The following LIMCH1 variants were observed in gnomAD, a reference collection of about 807,000 sequenced individuals.
LIMCH1 encodes LIM and calponin homology domains 1, also known as LIM and calponin homology domains-containing protein 1.
Under a neutral mutation model 176.5 loss-of-function variants are expected in LIMCH1, and 113 were observed. That is an observed-to-expected ratio of 0.64 (90% CI 0.55 to 0.75). The LOEUF (loss-of-function observed/expected upper bound fraction) is 0.75, where lower values mean the gene tolerates loss of function less well. Ranked by LOEUF, LIMCH1 falls within the 30% of genes least tolerant of loss-of-function variation. LIMCH1 has a pLI of 0.00. For missense variants in LIMCH1, 1,674 were observed against 1,814.9 expected (o/e 0.92, Z 1.41); for synonymous variants, 619 against 645.9 (o/e 0.96, Z 0.63).
intron 1 of LIMCH1, among the ~76,000 whole-genome samples, chr4:41,372,689 G>T (rs1336691454): frequency 1.3e-5 from 2 of 152,188 alleles, no homozygotes; most frequent in Non-Finnish European, 2.9e-5. Flanking sequence ...GCCTTTGGAG[G>T]AGGTAGTTGA....
Position 41,697,716 on chromosome 4 carries a change from A to G in LIMCH1, c.*531A>G, listed in dbSNP as rs1052222111. 9.1e-5 allele frequency: 14 copies of G among 153,012 alleles called. No individual in the cohort carries two copies. The highest frequency in any genetic ancestry group is 3.1e-4 in the African/African-American group (13 of 41,460). 9.5% of individuals were successfully genotyped at this position (153,012 alleles called of 1,614,324 possible). A position where few individuals can be genotyped will look rare whatever the true frequency, so the allele number is the denominator to read the frequency against. ...GCTATAATTTGTTTTTAATGCAAAG[A>G]CACTAGTTTGATAATATATACTGTA... On this transcript the variant is annotated 3_prime_UTR_variant, in exon 32 of 32. Transcript: ENST00000503057.
At chr4:41,419,652 CCTT>C (rs2060371157) in intron 1 of LIMCH1, among the ~76,000 whole-genome samples, 3 of 47,040 alleles carry the variant, frequency 6.4e-5, no homozygotes, top group Non-Finnish European at 1.0e-4. Context: ...CTTTCTTCCT[CCTT>C]CCTTCCTTCC....
chr4:41,516,239 T>C (rs1048552434), intron 2 of LIMCH1, among the ~76,000 whole-genome samples: 1 of 152,148 alleles, frequency 6.6e-6, no homozygotes, highest in Admixed American at 6.5e-5. Flanking sequence ...CTGTGGCACT[T>C]GGGAGCCTGG....
At chr4:41,419,604 G>T (rs13122494) in intron 1 of LIMCH1, among the ~76,000 whole-genome samples, 6,813 of 45,726 alleles carry the variant, frequency 0.15, 433 homozygotes, top group African/African-American at 0.19. Context: ...CCTTCCTTCC[G>T]TCCTTCCTTC....
chr4:41,450,526 G>T lies in LIMCH1; in HGVS notation c.97-44010G>T, dbSNP rs538616363. Among the ~76,000 whole-genome samples the T allele has an allele frequency of 3.9e-5, 6 of 151,960 alleles. No individual in the cohort carries two copies. The East Asian group carries it at 1.2e-3, about 30-fold the overall frequency. On this transcript the variant is annotated intron_variant, in intron 1 of 26. Transcript: ENST00000313860. ...AAAAGTTGTAGGGGATGATGGCCAG[G>T]TGTGGTGGCTCACACCTGTAATCCC... is the stretch of plus-strand genomic sequence containing the variant.
chr4:41,440,752 C>CG (rs2062617068), intron 1 of LIMCH1, among the ~76,000 whole-genome samples: 1 of 152,032 alleles, frequency 6.6e-6, no homozygotes, highest in Non-Finnish European at 1.5e-5. Context: ...AACCTGGTCT[C>CG]GAACTCCTGA....
At chr4:41,682,559 G>A (rs1585869382) in intron 26 of LIMCH1, 99 bp downstream of exon 26, 1 of 1,160,048 alleles carries the variant, frequency 8.6e-7, no homozygotes, top group East Asian at 2.6e-5. Context: ...ATTACATTCA[G>A]CTTCGAAATG....
At chr4:41,499,086 T>G (rs1446422658) in intron 2 of LIMCH1, among the ~76,000 whole-genome samples, 2 of 152,208 alleles carry the variant, frequency 1.3e-5, no homozygotes, top group African/African-American at 4.8e-5. Flanking sequence ...AGTTAAGAAA[T>G]TGAGTTTGGG....
intron 3 of LIMCH1, among the ~76,000 whole-genome samples, chr4:41,532,789 GTTTTC>G (rs1419264700): frequency 6.6e-6 from 1 of 152,150 alleles, no homozygotes; most frequent in South Asian, 2.1e-4. Flanking sequence ...GTCCTTTCTG[GTTTTC>G]TTTTATTTGG....
intron 1 of LIMCH1, among the ~76,000 whole-genome samples, chr4:41,452,936 C>T (rs73810242): frequency 2.0e-4 from 31 of 152,278 alleles, no homozygotes; most frequent in African/African-American, 6.5e-4. Flanking sequence ...CCCACGGTAC[C>T]GGTGCCATGT....
chr4:41,692,426 C>T, intron 31 of LIMCH1, 42 bp downstream of exon 31: 2 of 1,252,374 alleles, frequency 1.6e-6, no homozygotes, highest in Non-Finnish European at 2.3e-6. Flanking sequence ...CGAGTGTAAT[C>T]GTATGTCTTC....
intron 14 of LIMCH1, among the ~76,000 whole-genome samples, chr4:41,643,253 A>G (rs534694988): frequency 6.6e-6 from 1 of 152,132 alleles, no homozygotes; most frequent in East Asian, 1.9e-4. Flanking sequence ...TTGTCTGGCC[A>G]TGGGAGTAAC....
intron 1 of LIMCH1, among the ~76,000 whole-genome samples, chr4:41,556,395 CAAAAAAA>C (rs71198668): frequency 2.4e-5 from 2 of 83,918 alleles, no homozygotes; most frequent in South Asian, 3.9e-4. Context: ...AACTCTATCT[CAAAAAAA>C]AAAAAAAAAA....
At position 41,603,099 on chromosome 4, in the gene LIMCH1, T is replaced by C. The variant is rs575208077; in HGVS notation, c.-133-776T>C. Among the ~76,000 whole-genome samples, 245 of 152,276 alleles carry C rather than the reference T, an allele frequency of 1.6e-3. 1 individual carries two copies. The highest frequency in any genetic ancestry group is 5.4e-3 in the African/African-American group (225 of 41,552). On this transcript the variant is annotated intron_variant, in intron 2 of 31. Coordinates refer to ENST00000503057, the MANE Select transcript of LIMCH1 (RefSeq NM_001330672.2). ...TCAGGGTCTAAATACTTGCAGGAATTCTTGACTGGTTTATATGATAGTCTT... is the reference window on the plus strand; with the variant it reads ...TCAGGGTCTAAATACTTGCAGGAATCCTTGACTGGTTTATATGATAGTCTT...
chr4:41,507,705 T>C (rs978037391), intron 2 of LIMCH1, among the ~76,000 whole-genome samples: 4 of 152,004 alleles, frequency 2.6e-5, no homozygotes, highest in Admixed American at 6.5e-5. Flanking sequence ...CAGGAATGAG[T>C]AGGCTGTGTT....
intron 1 of LIMCH1, among the ~76,000 whole-genome samples, chr4:41,564,846 TTG>T (rs2082508954): frequency 6.6e-6 from 1 of 152,052 alleles, no homozygotes; most frequent in Non-Finnish European, 1.5e-5. Context: ...GGTGAGTGAG[TTG>T]TCACGAGATC....
At chr4:41,695,240 A>G (rs186005397) in intron 31 of LIMCH1, among the ~76,000 whole-genome samples, 6 of 151,276 alleles carry the variant, frequency 4.0e-5, no homozygotes, top group Admixed American at 6.6e-5. Flanking sequence ...AAAGAAATAT[A>G]TGTTTCTTTT....
chr4:41,623,455 G>C (rs151230201), intron 7 of LIMCH1, among the ~76,000 whole-genome samples: 137 of 152,282 alleles, frequency 9.0e-4, no homozygotes, highest in Non-Finnish European at 1.7e-3. Context: ...TGTTTCCCAA[G>C]TATTCTTAAA....
intron 1 of LIMCH1, among the ~76,000 whole-genome samples, chr4:41,363,222 A>G (rs565510450): frequency 3.3e-5 from 5 of 152,304 alleles, no homozygotes; most frequent in South Asian, 4.2e-4. Flanking sequence ...TGCCTTGTGA[A>G]CAAAGATTCC....
Sources: allele counts gnomAD v4.1 joint callset (sites outside exome capture counted in the v4.1 genomes callset), GRCh38; gene constraint gnomAD v4.1.1; transcripts MANE v1.5; gene names NCBI Gene and HGNC (gene_info 2026-07-23, HGNC 2026-07-21).